The following IPO11 variants were observed in gnomAD, a reference collection of about 807,000 sequenced individuals.
The protein encoded by IPO11 is importin-11.
IPO11 carries 66 observed loss-of-function variants against 143.2 expected under a neutral mutation model. The ratio of observed to expected loss-of-function variants is 0.46; its 90% CI spans 0.38 to 0.57. The LOEUF (loss-of-function observed/expected upper bound fraction) is 0.57. Among genes scored for constraint, IPO11 ranks in the 20% least tolerant of loss-of-function variants. IPO11 has a pLI of 0.00. For synonymous variants in IPO11, 385 were observed against 377.8 expected (o/e 1.02, Z -0.22); for missense variants, 1,026 against 1,141.0 (o/e 0.90, Z 1.45).
At chr5:62,417,209 C>G (rs182183296) in intron 1 of IPO11, among the ~76,000 whole-genome samples, 1 of 151,346 alleles carries the variant, frequency 6.6e-6, no homozygotes, top group Admixed American at 6.6e-5. Flanking sequence ...CCTGCCACTT[C>G]AATCTCATGA....
intron 26 of IPO11, among the ~76,000 whole-genome samples, chr5:62,553,321 T>TGA (rs1156274428): frequency 1.2e-4 from 15 of 124,680 alleles, no homozygotes; most frequent in East Asian, 4.7e-4. Flanking sequence ...AGTATTCGTG[T>TGA]GAGTGTGTGT....
chr5:62,588,471 G>A (rs555792989), intron 27 of IPO11, among the ~76,000 whole-genome samples: 1 of 152,252 alleles, frequency 6.6e-6, no homozygotes, highest in Admixed American at 6.5e-5. Flanking sequence ...GGCTTTAAGT[G>A]ACTCTTCCAC....
At chr5:62,443,177 C>A in intron 3 of IPO11, 94 bp downstream of exon 3, 1 of 713,764 alleles carries the variant, frequency 1.4e-6, no homozygotes, top group Non-Finnish European at 2.3e-6. Flanking sequence ...GATGTGTTAG[C>A]GCTTACTTCT....
intron 3 of IPO11, among the ~76,000 whole-genome samples, chr5:62,444,538 A>G (rs1039470399): frequency 6.6e-6 from 1 of 152,146 alleles, no homozygotes; most frequent in African/African-American, 2.4e-5. Flanking sequence ...CGTGTCTGCT[A>G]AAATTCATTT....
intron 26 of IPO11, among the ~76,000 whole-genome samples, chr5:62,553,476 A>G (rs932710407): frequency 4.6e-5 from 7 of 152,154 alleles, no homozygotes; most frequent in South Asian, 4.2e-4. Flanking sequence ...TTTCAATACA[A>G]TGATTTCCTT....
chr5:62,452,912 C>A (rs1476580479), intron 5 of IPO11, among the ~76,000 whole-genome samples: 1 of 150,430 alleles, frequency 6.6e-6, no homozygotes, highest in African/African-American at 2.5e-5. Context: ...GCCACCATGC[C>A]CAGATGGTTT....
At chr5:62,622,766 G>T (rs116502400) in intron 29 of IPO11, among the ~76,000 whole-genome samples, 1 of 152,160 alleles carries the variant, frequency 6.6e-6, no homozygotes, top group Admixed American at 6.5e-5. Context: ...AGCTTACAAG[G>T]TAATTGCTAA....
intron 28 of IPO11, among the ~76,000 whole-genome samples, chr5:62,599,020 TCAA>T (rs1255779495): frequency 3.3e-5 from 5 of 152,104 alleles, no homozygotes; most frequent in African/African-American, 1.2e-4. Flanking sequence ...CACAACTTCC[TCAA>T]CAACATTAGC....
intron 27 of IPO11, chr5:62,580,752 C>T (rs975879925): frequency 3.2e-6 from 5 of 1,551,318 alleles, no homozygotes; most frequent in Non-Finnish European, 4.4e-6. Context: ...ATAAAGTAAC[C>T]ACAAATGGCA....
intron 10 of IPO11, among the ~76,000 whole-genome samples, chr5:62,483,644 A>G (rs1746293154): frequency 6.6e-6 from 1 of 152,122 alleles, no homozygotes; most frequent in African/African-American, 2.4e-5. Context: ...AGACAGGTTA[A>G]ATTGTTGTAT....
chr5:62,579,825 G>A, intron 27 of IPO11: 1 of 1,546,396 alleles, frequency 6.5e-7, no homozygotes, highest in Non-Finnish European at 8.7e-7. Context: ...GAATATTTAA[G>A]GGACTTTTAA....
chr5:62,581,924 G>C (rs958596143), intron 27 of IPO11, among the ~76,000 whole-genome samples: 3 of 152,170 alleles, frequency 2.0e-5, no homozygotes, highest in Non-Finnish European at 4.4e-5. Flanking sequence ...AGAATAAATA[G>C]AAATTAGCCC....
At chr5:62,620,493 T>G (rs1301637694) in intron 29 of IPO11, among the ~76,000 whole-genome samples, 1 of 135,884 alleles carries the variant, frequency 7.4e-6, no homozygotes, top group Non-Finnish European at 1.5e-5. Flanking sequence ...CACTCCAGCC[T>G]GGGCAACAGA....
chr5:62,447,394 G>GTGCC (rs1169736248), intron 3 of IPO11, among the ~76,000 whole-genome samples: 1 of 152,028 alleles, frequency 6.6e-6, no homozygotes, highest in African/African-American at 2.4e-5. Context: ...GCGTGAGCCA[G>GTGCC]TGCCCCCAGC....
intron 29 of IPO11, among the ~76,000 whole-genome samples, chr5:62,616,732 A>G (rs1006853843): frequency 2.0e-5 from 3 of 151,678 alleles, no homozygotes; most frequent in African/African-American, 7.3e-5. Context: ...AAAAAAAAAA[A>G]AAAAAAAAAA....
intron 22 of IPO11, among the ~76,000 whole-genome samples, chr5:62,531,847 G>A (rs538119277): frequency 3.2e-4 from 48 of 152,148 alleles, no homozygotes; most frequent in Middle Eastern, 6.8e-3. Flanking sequence ...TTCCAATAAA[G>A]AGCCATTTGC....
chr5:62,621,909 A>G (rs910337932), intron 29 of IPO11, among the ~76,000 whole-genome samples: 3 of 152,124 alleles, frequency 2.0e-5, no homozygotes, highest in Non-Finnish European at 4.4e-5. Flanking sequence ...ATTTCCTAGT[A>G]TGCACACAGT....
chr5:62,418,153 C>T (rs566675196), intron 1 of IPO11, among the ~76,000 whole-genome samples: 10 of 148,452 alleles, frequency 6.7e-5, no homozygotes, highest in South Asian at 4.2e-4. Flanking sequence ...ACCATGCCCA[C>T]GCCTGCCTAG....
At chr5:62,475,066 G>A (rs919440890) in intron 8 of IPO11, among the ~76,000 whole-genome samples, 1 of 152,096 alleles carries the variant, frequency 6.6e-6, no homozygotes, top group African/African-American at 2.4e-5. Flanking sequence ...GCAAAACTAA[G>A]AGGGGACTAC....
Sources: allele counts gnomAD v4.1 joint callset (sites outside exome capture counted in the v4.1 genomes callset), GRCh38; gene constraint gnomAD v4.1.1; transcripts MANE v1.5; gene names NCBI Gene and HGNC (gene_info 2026-07-23, HGNC 2026-07-21).